KASH5: variants seen among roughly 807,000 people sequenced by gnomAD.
KASH5 encodes the protein protein KASH5.
Under a neutral mutation model 84.2 loss-of-function variants are expected in KASH5, and 72 were observed. The ratio of observed to expected loss-of-function variants is 0.85; its 90% CI spans 0.71 to 1.04. The LOEUF (loss-of-function observed/expected upper bound fraction) is 1.04. Ranked by LOEUF, KASH5 falls within the 50% of genes least tolerant of loss-of-function variation. KASH5 has a pLI of 0.00. For missense variants in KASH5, 650 were observed against 701.0 expected (o/e 0.93, Z 0.82); for synonymous variants, 260 against 279.1 (o/e 0.93, Z 0.68).
chr19:49,390,833 G>A lies in KASH5; in HGVS notation c.-51G>A. ...TCCTTTTCCCATCCCTCCCCATGAA[G>A]GAGGGAGGCTGGTAGCTTTGCCAGC... On this transcript the variant is annotated 5_prime_UTR_variant, in exon 2 of 20. Coordinates refer to ENST00000447857, the MANE Select transcript of KASH5 (RefSeq NM_144688.5). 1 of 1,564,502 alleles carries A rather than the reference G, an allele frequency of 6.4e-7. No homozygotes were observed. The highest frequency in any genetic ancestry group is 1.2e-5 in the South Asian group (1 of 84,988).
chr19:49,399,532 C>G lies in KASH5; in HGVS notation c.798+25C>G. ...GGTGAGCGGAGGCCCAGCACCACCC[C>G]CACCCCTTCCCCAGTCCTTAAGGTC... On this transcript the variant is annotated intron_variant, in intron 9 of 19. Coordinates refer to ENST00000447857, the MANE Select transcript of KASH5 (RefSeq NM_144688.5). The surrounding 1 kb of genome is among the most constrained non-coding windows in gnomAD (Gnocchi z 4.4). 1 of 1,593,100 alleles carries G rather than the reference C, an allele frequency of 6.3e-7. No homozygotes were observed. Among genetic ancestry groups the G allele is most frequent in the Non-Finnish European group, 8.5e-7 (1 of 1,169,756 alleles).
intron 9 of KASH5, among the ~76,000 whole-genome samples, chr19:49,400,772 A>G (rs1322218324): frequency 6.6e-6 from 1 of 152,194 alleles, no homozygotes; most frequent in Non-Finnish European, 1.5e-5. Flanking sequence ...CTGAGGGACT[A>G]GCAAACAATA....
chr19:49,395,805 A>G lies in KASH5; in HGVS notation c.372A>G (p.Gly124=). 6.4e-7 allele frequency: 1 copy of G among 1,565,842 alleles called. No individual in the cohort carries two copies. Among genetic ancestry groups the G allele is most frequent in the Non-Finnish European group, 8.7e-7 (1 of 1,155,204 alleles). Residue 124 remains glycine (G), a synonymous_variant, in exon 5 of 20, where the codon GGA becomes GGG. Transcript: ENST00000447857. This position sits in a 1 kb window ranked among gnomAD's most constrained non-coding sequence, Gnocchi z 4.4. ...TGGAAGAGGAGACCGCCTTCCAGGG[A>G]GCCCTGACCTCCCGGCAACTGCCAT... ...LELEEETAFQ[G]ALTSRQLPSG...
At position 49,409,892 on chromosome 19, in the gene KASH5, C is replaced by G; in HGVS notation, c.1269+17C>G. 1 of 1,611,998 alleles carries G rather than the reference C, an allele frequency of 6.2e-7. No homozygotes were observed. The highest frequency in any genetic ancestry group is 8.5e-7 in the Non-Finnish European group (1 of 1,178,766). ...GGGGGACAGGTGAGCACAGGAAAAG[C>G]TCTGAAGTCCAGGAGCTGGAAAGGG... On this transcript the variant is annotated intron_variant, in intron 15 of 19. Transcript: ENST00000447857.
rs1213107018 is a variant in KASH5, at chr19:49,398,131, A to G, written c.617A>G (p.Lys206Arg). 1 of 1,583,440 alleles carries G rather than the reference A, an allele frequency of 6.3e-7. No homozygotes were observed. Among genetic ancestry groups the G allele is most frequent in the Non-Finnish European group, 8.6e-7 (1 of 1,158,304 alleles). The change falls in exon 7 of 20, where the codon AAG (lysine) becomes AGG (arginine). Residue 206 changes from lysine (K) to arginine (R), a missense_variant. Physicochemically the swap from Lys to Arg is conservative, Grantham distance 26. Coordinates refer to ENST00000447857, the MANE Select transcript of KASH5 (RefSeq NM_144688.5). ...GGGGAGGAGATCTTGGCTCTGCGTAAGCAGCTTCACAGGTGGGCTGGATGC... is the reference window on the plus strand; with the variant it reads ...GGGGAGGAGATCTTGGCTCTGCGTAGGCAGCTTCACAGGTGGGCTGGATGC... ...RLGEEILALRKQLHSTQQALQ... is the reference protein window; with the variant it reads ...RLGEEILALRRQLHSTQQALQ...
intron 9 of KASH5, among the ~76,000 whole-genome samples, chr19:49,404,888 A>C (rs1326001186): frequency 6.6e-6 from 1 of 152,172 alleles, no homozygotes; most frequent in African/African-American, 2.4e-5. Flanking sequence ...TCTACCTACC[A>C]GTTTATAAGA....
chr19:49,414,986 G>T lies in KASH5; in HGVS notation c.1364G>T (p.Ser455Ile), dbSNP rs372231794. ...TRREEEEDAE[S>I]QVTADLPVPL... is the part of the protein sequence containing the mutation. ...AGAGAGGAAGAGGAGGATGCAGAGAGCCAGGTCACGGTAGGCAGTCCCCAG... is the reference window on the plus strand; with the variant it reads ...AGAGAGGAAGAGGAGGATGCAGAGATCCAGGTCACGGTAGGCAGTCCCCAG... Residue 455 changes from serine to isoleucine, a missense_variant, in exon 17 of 20, where the codon AGC (serine) becomes ATC (isoleucine). Coordinates refer to ENST00000447857, the MANE Select transcript of KASH5 (RefSeq NM_144688.5). This position sits in a 1 kb window ranked among gnomAD's most constrained non-coding sequence, Gnocchi z 4.5. 7.4e-6 allele frequency: 12 copies of T among 1,612,854 alleles called. No homozygotes were observed. The African/African-American group carries it at 1.6e-4, about 21-fold the overall frequency.
chr19:49,416,939 T>C lies in KASH5; in HGVS notation c.1375-76T>C. 1 of 1,407,046 alleles carries C rather than the reference T, an allele frequency of 7.1e-7. No individual in the cohort carries two copies. Among genetic ancestry groups the C allele is most frequent in the Non-Finnish European group, 9.8e-7 (1 of 1,017,454 alleles). 87.2% of individuals were successfully genotyped at this position (1,407,046 alleles called of 1,614,324 possible). A position where few individuals can be genotyped will look rare whatever the true frequency, so the allele number is the denominator to read the frequency against. On this transcript the variant is annotated intron_variant, in intron 17 of 19. Transcript: ENST00000447857. The surrounding 1 kb of genome is among the most constrained non-coding windows in gnomAD (Gnocchi z 5.4). The stretch of plus-strand genomic sequence containing the variant: ...CTCCACCACTTTCTATGTGGCCACT[T>C]GTGTCCAGTGGGCTGACCTGAGCAC...
intron 9 of KASH5, 92 bp from the exon 10 acceptor site, chr19:49,406,794 T>C (rs1482403075): frequency 9.0e-7 from 1 of 1,109,744 alleles, no homozygotes. Context: ...TGAGGCCTGA[T>C]GTATATCAAT....
intron 9 of KASH5, among the ~76,000 whole-genome samples, chr19:49,403,202 C>T (rs1392793512): frequency 6.6e-6 from 1 of 152,080 alleles, no homozygotes; most frequent in African/African-American, 2.4e-5. Flanking sequence ...ACTAAAAATA[C>T]AAAAAATAAA....
rs1308893497 is a variant in KASH5 at position 49,399,524 on chromosome 19, C to T, written c.798+17C>T. ...CAGGAGGAGGTGAGCGGAGGCCCAG[C>T]ACCACCCCCACCCCTTCCCCAGTCC... On this transcript the variant is annotated intron_variant, in intron 9 of 19. Transcript: ENST00000447857. The surrounding 1 kb of genome is among the most constrained non-coding windows in gnomAD (Gnocchi z 4.4). 2.5e-6 allele frequency: 4 copies of T among 1,598,006 alleles called. No homozygotes were observed. Among genetic ancestry groups the T allele is most frequent in the Non-Finnish European group, 3.4e-6 (4 of 1,172,268 alleles).
rs1206740150 is a variant in KASH5 at position 49,397,687 on chromosome 19, G to C, written c.437G>C (p.Ser146Thr). ...GCTGAGGAGCCAGCCAACCTGGAGAGCTTCGGAGGCGAAGACCCCAGACCC... is the reference window on the plus strand; with the variant it reads ...GCTGAGGAGCCAGCCAACCTGGAGACCTTCGGAGGCGAAGACCCCAGACCC... ...PEAEEPANLE[S>T]FGGEDPRPEL... is the part of the protein sequence containing the mutation. Residue 146 changes from serine to threonine, a missense_variant, in exon 6 of 20, where the codon AGC (serine) becomes ACC (threonine). Physicochemically the swap from Ser to Thr is moderately conservative, Grantham distance 58. Coordinates refer to ENST00000447857, the MANE Select transcript of KASH5 (RefSeq NM_144688.5). 6.2e-7 allele frequency: 1 copy of C among 1,613,824 alleles called. No homozygotes were observed. Among genetic ancestry groups the C allele is most frequent in the Non-Finnish European group, 8.5e-7 (1 of 1,179,830 alleles).
At chr19:49,388,349 G>C (rs2055874928) in intron 1 of KASH5, 22 bp downstream of exon 1, 1 of 152,334 alleles carries the variant, frequency 6.6e-6, no homozygotes, top group African/African-American at 2.4e-5. Context: ...CCCGCGGCGA[G>C]GTTCCCAGAA....
chr19:49,410,924 T>A (rs1336981050), intron 15 of KASH5, among the ~76,000 whole-genome samples: 4 of 151,698 alleles, frequency 2.6e-5, no homozygotes, highest in Non-Finnish European at 2.9e-5. Flanking sequence ...CACCTGGCTT[T>A]TTTTTTTTTA....
intron 15 of KASH5, among the ~76,000 whole-genome samples, chr19:49,411,971 G>GGAAGGAAA (rs1974733764): frequency 2.2e-5 from 3 of 134,062 alleles, no homozygotes; most frequent in Admixed American, 1.4e-4. Flanking sequence ...AAGGAAGGAA[G>GGAAGGAAA]GAAAGAAGGA....
rs757572871 is a variant in KASH5 at position 49,397,698 on chromosome 19, G to A, written c.448G>A (p.Glu150Lys). Residue 150 changes from glutamate (E) to lysine (K), a missense_variant, in exon 6 of 20, where the codon GAA becomes AAA. Physicochemically the swap from Glu to Lys is moderately conservative, Grantham distance 56. Transcript: ENST00000447857. The stretch of plus-strand genomic sequence containing the variant: ...AGCCAACCTGGAGAGCTTCGGAGGC[G>A]AAGACCCCAGACCCGAGCTGTACCT... ...EPANLESFGGEDPRPELQATA... is the reference protein window; with the variant it reads ...EPANLESFGGKDPRPELQATA... The A allele has an allele frequency of 1.2e-5, 19 of 1,613,560 alleles. 1 individual carries two copies. Among genetic ancestry groups the A allele is most frequent in the Middle Eastern group, 3.3e-4 (2 of 6,014 alleles).
At chr19:49,390,438 A>T (rs1973965093) in intron 1 of KASH5, 1 of 167,158 alleles carries the variant, frequency 6.0e-6, no homozygotes, top group Non-Finnish European at 1.3e-5. Context: ...GGGGAGGGGC[A>T]GGTCAGCTCT....
At position 49,406,964 on chromosome 19, in the gene KASH5, G is replaced by A. The variant is rs751428531; in HGVS notation, c.876+1G>A. 3.2e-6 allele frequency: 5 copies of A among 1,586,462 alleles called. No homozygotes were observed. In the African/African-American group the frequency reaches 4.0e-5, roughly 13 times the overall value. Reference sequence around the variant, plus strand: ...GGCCATGGAGAAGGACACTTTGAAGGTGCCACTCCTTCCTAGTGCCTGACA... The same window carrying A: ...GGCCATGGAGAAGGACACTTTGAAGATGCCACTCCTTCCTAGTGCCTGACA... On this transcript the variant is annotated splice_donor_variant, in intron 10 of 19. Transcript: ENST00000447857. LOFTEE classifies it high-confidence loss of function.
At position 49,395,797 on chromosome 19, in the gene KASH5, T is replaced by C. The variant is rs200504503; in HGVS notation, c.364T>C (p.Phe122Leu). Reference sequence around the variant, plus strand: ...ATTAGAGCTGGAAGAGGAGACCGCCTTCCAGGGAGCCCTGACCTCCCGGCA... The same window carrying C: ...ATTAGAGCTGGAAGAGGAGACCGCCCTCCAGGGAGCCCTGACCTCCCGGCA... ...GGLELEEETAFQGALTSRQLP... is the reference protein window; with the variant it reads ...GGLELEEETALQGALTSRQLP... The change falls in exon 5 of 20, where the codon TTC (phenylalanine) becomes CTC (leucine). Residue 122 changes from phenylalanine to leucine, a missense_variant. By Grantham distance (22) the Phe-to-Leu change is conservative. Coordinates refer to ENST00000447857, the MANE Select transcript of KASH5 (RefSeq NM_144688.5). The surrounding 1 kb of genome is among the most constrained non-coding windows in gnomAD (Gnocchi z 4.4). 2,580 of 1,565,238 alleles carry C rather than the reference T, an allele frequency of 1.6e-3. 6 individuals are homozygous for C. The highest frequency in any genetic ancestry group is 2.3e-3 in the Admixed American group (121 of 53,170).
Sources: allele counts gnomAD v4.1 joint callset (sites outside exome capture counted in the v4.1 genomes callset), GRCh38; gene constraint gnomAD v4.1.1; non-coding constraint Gnocchi (gnomAD v3.1); transcripts MANE v1.5; gene names NCBI Gene and HGNC (gene_info 2026-07-23, HGNC 2026-07-21).